DENND2C: variants seen among roughly 807,000 people sequenced by gnomAD.
DENND2C encodes the protein DENN domain-containing protein 2C.
A neutral mutation model predicts 112.4 loss-of-function variants in DENND2C; 72 were observed. The observed-to-expected ratio is 0.64, with a 90% CI of 0.53 to 0.78. The LOEUF (loss-of-function observed/expected upper bound fraction) is 0.78. Among genes scored for constraint, DENND2C ranks in the 30% least tolerant of loss-of-function variants. The pLI is 0.00. For synonymous variants in DENND2C, 329 were observed against 381.6 expected, an observed-to-expected ratio of 0.86 and a Z score of 1.61; for missense variants, 992 against 1,113.8, an observed-to-expected ratio of 0.89 and a Z score of 1.56.
intron 9 of DENND2C, among the ~76,000 whole-genome samples, chr1:114,610,699 CAAAA>C (rs528172027): frequency 1.2e-5 from 1 of 83,402 alleles, no homozygotes. Flanking sequence ...GACTCCGTCT[CAAAA>C]AAAAAAAAAA....
At chr1:114,614,880 GAC>G (rs1359799520) in intron 8 of DENND2C, among the ~76,000 whole-genome samples, 1 of 152,066 alleles carries the variant, frequency 6.6e-6, no homozygotes, top group East Asian at 1.9e-4. Context: ...TGGGCGTGGT[GAC>G]ACACGCCTGT....
chr1:114,641,153 G>A (rs1310268393), intron 3 of DENND2C, among the ~76,000 whole-genome samples: 5 of 151,502 alleles, frequency 3.3e-5, no homozygotes, highest in Non-Finnish European at 5.9e-5. Flanking sequence ...CACTTTGGCC[G>A]GGCATGGTAG....
In DENND2C at chr1:114,625,902, C is replaced by T; in HGVS notation, c.83G>A (p.Trp28Ter). 1.2e-6 allele frequency: 2 copies of T among 1,614,054 alleles called. No homozygotes were observed. The highest frequency in any genetic ancestry group is 1.7e-6 in the Non-Finnish European group (2 of 1,179,988). The part of the protein sequence containing the change: ...CKNIKQKISQ[W>*]EGRANGISNP... Reference sequence around the variant, plus strand: ...AGATATACCATTAGCCCTTCCTTCCCATTGAGAAATTTTTTGTTTGATGTT... The same window carrying T: ...AGATATACCATTAGCCCTTCCTTCCTATTGAGAAATTTTTTGTTTGATGTT... Residue 28 changes from tryptophan (W) to a stop codon, truncating the protein, a stop_gained, in exon 4 of 21, where the codon TGG becomes TAG. Transcript: ENST00000393274. LOFTEE classifies it high-confidence loss of function.
At chr1:114,623,484 A>C (rs754057399) in intron 5 of DENND2C, 23 bp downstream of exon 5, 1 of 1,594,040 alleles carries the variant, frequency 6.3e-7, no homozygotes, top group South Asian at 1.1e-5. Flanking sequence ...ACTAAATTTA[A>C]CTGCAAAGTT....
intron 8 of DENND2C, among the ~76,000 whole-genome samples, 187 bp downstream of exon 8, chr1:114,618,199 A>G (rs1011046686): frequency 2.6e-5 from 4 of 152,076 alleles, no homozygotes; most frequent in Non-Finnish European, 5.9e-5. Context: ...CGTTTTAGCC[A>G]GGATAGTCTC....
chr1:114,592,040 A>C (rs1655208564), intron 18 of DENND2C, among the ~76,000 whole-genome samples: 1 of 151,950 alleles, frequency 6.6e-6, no homozygotes, highest in African/African-American at 2.4e-5. Flanking sequence ...GCGTACCACC[A>C]CACCCAGCTA....
chr1:114,627,744 T>A (rs1014449816), intron 3 of DENND2C, among the ~76,000 whole-genome samples: 1 of 152,184 alleles, frequency 6.6e-6, no homozygotes, highest in Non-Finnish European at 1.5e-5. Flanking sequence ...CTACTGTTGA[T>A]TATTAAAACT....
chr1:114,625,862 C>A lies in DENND2C; in HGVS notation c.123G>T (p.Trp41Cys). 1 of 1,614,060 alleles carries A rather than the reference C, an allele frequency of 6.2e-7. No homozygotes were observed. Among genetic ancestry groups the A allele is most frequent in the South Asian group, 1.1e-5 (1 of 91,082 alleles). Residue 41 changes from tryptophan to cysteine, a missense_variant, in exon 4 of 21, where the codon TGG becomes TGT. Around this residue, in one of 3 missense-constraint regions of DENND2C, gnomAD observed 470 missense variants for 472.7 expected, o/e 0.99. Coordinates refer to ENST00000393274, the MANE Select transcript of DENND2C (RefSeq NM_001256404.2). ...ATCTCACTCCAAAGTCCTTTGGACACCACTTTTCTGGATTAGATATACCAT... is the reference window on the plus strand; with the variant it reads ...ATCTCACTCCAAAGTCCTTTGGACAACACTTTTCTGGATTAGATATACCAT... ...RANGISNPEK[W>C]CPKDFGVRYN...
In DENND2C at chr1:114,601,566, C is replaced by T. The variant is rs753435776; in HGVS notation, c.1757G>A (p.Arg586Gln). 4.0e-5 allele frequency: 65 copies of T among 1,612,780 alleles called. No individual in the cohort carries two copies. The highest frequency in any genetic ancestry group is 4.6e-5 in the Non-Finnish European group (54 of 1,179,494). Residue 586 changes from arginine to glutamine, a missense_variant, in exon 13 of 21, where the codon CGA becomes CAA. Coordinates refer to ENST00000393274, the MANE Select transcript of DENND2C (RefSeq NM_001256404.2). ...AACCATGCAGTATACCTCAGGGAGT[C>T]GCTTTCCTTTGCCTACTGGCTAAAA... ...KKLLPVGKGK[R>Q]LPEVYCMVSR...
chr1:114,622,162 G>A (rs1656185068), intron 6 of DENND2C, 97 bp from the exon 7 acceptor site: 1 of 1,248,008 alleles, frequency 8.0e-7, no homozygotes, highest in Non-Finnish European at 1.1e-6. Context: ...CGCCCAGGCT[G>A]GAATGCAGTG....
intron 1 of DENND2C, among the ~76,000 whole-genome samples, chr1:114,668,862 A>C (rs1657713654): frequency 6.6e-6 from 1 of 152,234 alleles, no homozygotes. Context: ...ATTTGGAACA[A>C]TATTCCCAGC....
intron 17 of DENND2C, 134 bp downstream of exon 17, chr1:114,595,698 C>G (rs971061960): frequency 3.9e-5 from 30 of 764,790 alleles, no homozygotes; most frequent in Non-Finnish European, 6.2e-5. Flanking sequence ...GCCATGGTGT[C>G]AATTCAAGTA....
chr1:114,639,350 G>A (rs1043451922), intron 3 of DENND2C, among the ~76,000 whole-genome samples: 1 of 152,010 alleles, frequency 6.6e-6, no homozygotes, highest in Non-Finnish European at 1.5e-5. Flanking sequence ...GGAGGCTGAG[G>A]CCGGTAGATC....
intron 12 of DENND2C, 21 bp from the exon 13 acceptor site, chr1:114,601,606 C>T (rs1440775705): frequency 5.7e-6 from 9 of 1,589,808 alleles, no homozygotes; most frequent in Non-Finnish European, 7.7e-6. Context: ...AAAACAACAA[C>T]AACAAAAAAA....
chr1:114,644,048 G>A (rs1317798894), intron 3 of DENND2C, among the ~76,000 whole-genome samples: 1 of 152,162 alleles, frequency 6.6e-6, no homozygotes, highest in East Asian at 1.9e-4. Flanking sequence ...GACCCTAGGT[G>A]TTATCCCCAT....
intron 1 of DENND2C, among the ~76,000 whole-genome samples, chr1:114,656,133 T>A (rs533759117): frequency 6.6e-6 from 1 of 151,900 alleles, no homozygotes; most frequent in East Asian, 1.9e-4. Context: ...AATGGTACAA[T>A]CACGGCTCAC....
chr1:114,663,060 ATT>A (rs1657541895), intron 1 of DENND2C, among the ~76,000 whole-genome samples: 1 of 152,044 alleles, frequency 6.6e-6, no homozygotes, highest in Non-Finnish European at 1.5e-5. Flanking sequence ...AGTCCTTTAA[ATT>A]TTTTTCTCTT....
At chr1:114,660,520 T>C (rs1001864801) in intron 1 of DENND2C, among the ~76,000 whole-genome samples, 4 of 152,164 alleles carry the variant, frequency 2.6e-5, no homozygotes, top group African/African-American at 9.7e-5. Context: ...GACTACTGGC[T>C]GTAAGTTTGC....
intron 3 of DENND2C, among the ~76,000 whole-genome samples, chr1:114,642,325 T>TAAGGTCTTTCACCCA (rs1553236803): frequency 6.6e-6 from 1 of 152,296 alleles, no homozygotes; most frequent in East Asian, 1.9e-4. Flanking sequence ...ATATGACATA[T>TAAGGTCTTTCACCCA]AAGGTCTTTC....
Sources: allele counts gnomAD v4.1 joint callset (sites outside exome capture counted in the v4.1 genomes callset), GRCh38; gene constraint gnomAD v4.1.1; regional missense constraint gnomAD v4.1.1; transcripts MANE v1.5; gene names NCBI Gene and HGNC (gene_info 2026-07-23, HGNC 2026-07-21).